The following ACTR3C variants were observed in gnomAD, a reference collection of about 807,000 sequenced individuals.
ACTR3C encodes the protein actin-related protein 3C.
A neutral mutation model predicts 26.3 loss-of-function variants in ACTR3C; 18 were observed. The observed-to-expected ratio is 0.68, with a 90% confidence interval of 0.47 to 1.01. ACTR3C has a LOEUF of 1.01. Ranked by LOEUF, ACTR3C falls within the 50% of genes least tolerant of loss-of-function variation. The pLI, the probability that ACTR3C is intolerant of heterozygous loss-of-function variation, is 0.00. For synonymous variants in ACTR3C, 55 were observed against 94.5 expected (o/e 0.58, Z 2.42); for missense variants, 184 against 250.7 (o/e 0.73, Z 1.80).
At chr7:150,103,765 C>T in the ACTR3C span, among the ~76,000 whole-genome samples, 62 of 151,992 alleles carry the variant, frequency 4.1e-4, no homozygotes, top group South Asian at 1.5e-3. Context: ...CTTCATGATG[C>T]GGGTAACTCC....
the ACTR3C span, among the ~76,000 whole-genome samples, chr7:150,036,192 G>A: frequency 6.9e-6 from 1 of 145,624 alleles, no homozygotes; most frequent in Non-Finnish European, 1.6e-5. Context: ...CCAAGAGCCA[G>A]GGGGGAAGAG....
the ACTR3C span, chr7:149,882,228 G>C: frequency 4.6e-5 from 7 of 152,414 alleles, no homozygotes; most frequent in African/African-American, 1.7e-4. Context: ...GGATTGGGGT[G>C]GGGGGCATGT....
At chr7:149,933,140 G>A in the ACTR3C span, among the ~76,000 whole-genome samples, 1 of 133,632 alleles carries the variant, frequency 7.5e-6, no homozygotes, top group Non-Finnish European at 1.6e-5. Context: ...GCACAGTAGT[G>A]GCCCAGGTAC....
the ACTR3C span, among the ~76,000 whole-genome samples, chr7:150,178,180 T>A: frequency 6.6e-6 from 1 of 150,518 alleles, no homozygotes; most frequent in Non-Finnish European, 1.5e-5. Context: ...GCTCCACTAC[T>A]GACACCTCGA....
At chr7:149,899,145 T>G in the ACTR3C span, among the ~76,000 whole-genome samples, 1 of 151,418 alleles carries the variant, frequency 6.6e-6, no homozygotes, top group East Asian at 1.9e-4. Context: ...AACACAAAAT[T>G]AAAATAAGAA....
the ACTR3C span, among the ~76,000 whole-genome samples, chr7:149,996,258 A>T: frequency 6.6e-6 from 1 of 151,608 alleles, no homozygotes; most frequent in Non-Finnish European, 1.5e-5. Flanking sequence ...AGGAAGGGGT[A>T]GGCTTGAGAG....
chr7:150,280,256 C>T (rs1378588161), intron 6 of ACTR3C, among the ~76,000 whole-genome samples: 3 of 152,166 alleles, frequency 2.0e-5, no homozygotes, highest in Non-Finnish European at 2.9e-5. Context: ...ATGAAGCCCA[C>T]GGTGGGCCCA....
rs541645270 is a variant in ACTR3C, at chr7:150,260,737, C to T, written c.565-11683G>A. Among the ~76,000 whole-genome samples the T allele has an allele frequency of 4.1e-4, 63 of 152,294 alleles. 1 individual carries two copies. Among genetic ancestry groups the T allele is most frequent in the South Asian group, 2.1e-4 (1 of 4,830 alleles). On this transcript the variant is annotated intron_variant, in intron 6 of 7. Coordinates refer to ENST00000683684, the MANE Select transcript of ACTR3C (RefSeq NM_001164458.2). Reference sequence around the variant, plus strand: ...TTGGAAGCTGTGCTTACCATCATTACGCTGACATTGATTTTTAAATTGTCC... The same window carrying T: ...TTGGAAGCTGTGCTTACCATCATTATGCTGACATTGATTTTTAAATTGTCC...
rs188374969 is a variant in ACTR3C, at chr7:150,249,103, A to G, written c.565-49T>C. 1,193 of 576,036 alleles carry G rather than the reference A, an allele frequency of 2.1e-3. 9 individuals carry two copies. The highest frequency in any genetic ancestry group is 0.02 in the African/African-American group (1,087 of 53,322). The allele number at this position is 576,036 out of a possible 1,614,324, so 35.7% of individuals were successfully genotyped here. On this transcript the variant is annotated intron_variant, in intron 6 of 7. Coordinates refer to ENST00000683684, the MANE Select transcript of ACTR3C (RefSeq NM_001164458.2). ...TAGGGCAGCAGAGTCTCATGGGTCA[A>G]TAACAAAAGAGCTCACATTTGTATA...
chr7:150,305,051 G>A (rs1443789371), intron 1 of ACTR3C, among the ~76,000 whole-genome samples: 2 of 152,038 alleles, frequency 1.3e-5, no homozygotes, highest in Non-Finnish European at 2.9e-5. Flanking sequence ...CAACATACTG[G>A]GACTGGGAGC....
chr7:150,272,509 C>T (rs1834526047), intron 6 of ACTR3C, among the ~76,000 whole-genome samples: 1 of 139,072 alleles, frequency 7.2e-6, no homozygotes, highest in Non-Finnish European at 1.5e-5. Flanking sequence ...TTTCTTATCA[C>T]CTATGCTTGT....
the ACTR3C span, among the ~76,000 whole-genome samples, chr7:150,230,853 T>G: frequency 6.6e-6 from 1 of 152,290 alleles, no homozygotes; most frequent in Admixed American, 6.5e-5. Context: ...TTTCTGATAT[T>G]GTCAATTTGT....
chr7:150,288,206 A>G (rs1254505921), intron 4 of ACTR3C, among the ~76,000 whole-genome samples: 1 of 143,062 alleles, frequency 7.0e-6, no homozygotes, highest in Non-Finnish European at 1.5e-5. Flanking sequence ...GGGGAGACAC[A>G]TAGTCACATC....
chr7:150,317,499 T>C (rs545244039), intron 1 of ACTR3C, among the ~76,000 whole-genome samples: 2 of 152,244 alleles, frequency 1.3e-5, no homozygotes, highest in Non-Finnish European at 1.5e-5. Context: ...TTCTCACTTA[T>C]GCAATCAAGT....
the ACTR3C span, among the ~76,000 whole-genome samples, chr7:149,918,889 A>G: frequency 6.6e-6 from 1 of 152,300 alleles, no homozygotes; most frequent in African/African-American, 2.4e-5. Flanking sequence ...AGGCTCTGGA[A>G]CTTGTTGGTG....
the ACTR3C span, among the ~76,000 whole-genome samples, chr7:150,035,097 C>T: frequency 2.3e-5 from 3 of 130,688 alleles, no homozygotes; most frequent in African/African-American, 8.4e-5. Flanking sequence ...TACTTGGACA[C>T]CTAAAACCCA....
the ACTR3C span, among the ~76,000 whole-genome samples, chr7:149,921,008 G>A: frequency 1.3e-5 from 2 of 151,970 alleles, no homozygotes; most frequent in South Asian, 4.2e-4. Flanking sequence ...TGCCCACCTC[G>A]GCTTCCCAAA....
At chr7:150,263,501 A>G (rs1833808290) in intron 6 of ACTR3C, among the ~76,000 whole-genome samples, 1 of 147,948 alleles carries the variant, frequency 6.8e-6, no homozygotes. Context: ...ATTAAGTAAG[A>G]AGTCTCAAAT....
chr7:149,892,146 C>T, the ACTR3C span: 7 of 1,031,574 alleles, frequency 6.8e-6, no homozygotes, highest in East Asian at 2.0e-4. Context: ...TCTATTCAAA[C>T]ATAAGAATTC....
Sources: gnomAD v4.1 joint callset for allele counts (sites outside exome capture counted in the v4.1 genomes callset) on GRCh38, gnomAD v4.1.1 for gene constraint, MANE v1.5 for transcripts, NCBI Gene and HGNC (gene_info 2026-07-23, HGNC 2026-07-21) for gene names.